LIG1: variants seen among roughly 807,000 people sequenced by gnomAD.
The protein encoded by LIG1 is DNA ligase 1.
A neutral mutation model predicts 115.7 loss-of-function variants in LIG1; 70 were observed. The observed-to-expected ratio is 0.60, with a 90% CI of 0.50 to 0.74. The LOEUF (loss-of-function observed/expected upper bound fraction) is 0.74. Among genes scored for constraint, LIG1 ranks in the 30% least tolerant of loss-of-function variants. LIG1 has a pLI of 0.00. For synonymous variants in LIG1, 487 were observed against 495.3 expected, an observed-to-expected ratio of 0.98 and a Z score of 0.22; for missense variants, 1,115 against 1,225.6, an observed-to-expected ratio of 0.91 and a Z score of 1.35.
chr19:48,121,560 G>A (rs561641740), intron 23 of LIG1, among the ~76,000 whole-genome samples: 22 of 152,332 alleles, frequency 1.4e-4, no homozygotes, highest in African/African-American at 5.1e-4. Context: ...CCAGCATTTT[G>A]GGAGGCCGAG....
chr19:48,134,495 TA>T (rs1447708967), intron 16 of LIG1, among the ~76,000 whole-genome samples: 1 of 152,074 alleles, frequency 6.6e-6, no homozygotes, highest in Non-Finnish European at 1.5e-5. Flanking sequence ...CCATCTTTAC[TA>T]AAAATATAAA....
At chr19:48,165,817 A>C in intron 1 of LIG1, 194 bp from the exon 2 acceptor site, 1 of 614,890 alleles carries the variant, frequency 1.6e-6, no homozygotes, top group Admixed American at 2.9e-5. Context: ...AAAGCTCCAA[A>C]TCAGAGAAAA....
At chr19:48,143,179 C>T (rs940313332) in intron 11 of LIG1, among the ~76,000 whole-genome samples, 1 of 152,290 alleles carries the variant, frequency 6.6e-6, no homozygotes, top group Non-Finnish European at 1.5e-5. Context: ...TGAGACCTCA[C>T]CTTCTTTTGT....
rs1568538269 is a variant in LIG1, at chr19:48,153,685, CA to C, written c.466+186del. 2.5e-4 allele frequency among the ~76,000 whole-genome samples: 33 copies of C among 132,352 alleles called. 2 individuals carry two copies. Among genetic ancestry groups the C allele is most frequent in the African/African-American group, 7.5e-4 (25 of 33,336 alleles). 86.8% of individuals were successfully genotyped at this position (132,352 alleles called of 152,430 possible). On this transcript the variant is annotated intron_variant, in intron 6 of 27. Transcript: ENST00000263274. ...ACACACACACACACACACACACACA[CA>C]CACACCTCTCCTTCTGGGGGCTCAC...
intron 15 of LIG1, 43 bp downstream of exon 15, chr19:48,135,991 G>A (rs200070043): frequency 6.7e-4 from 988 of 1,480,152 alleles, no homozygotes; most frequent in Non-Finnish European, 8.2e-4. Context: ...GAAGCCTGAG[G>A]TAACTCCAGC....
intron 1 of LIG1, among the ~76,000 whole-genome samples, chr19:48,168,245 C>G (rs1352254985): frequency 1.3e-5 from 2 of 152,198 alleles, no homozygotes. Flanking sequence ...CTATGCCTGA[C>G]AGGCTGATCA....
intron 2 of LIG1, 93 bp downstream of exon 2, chr19:48,165,457 T>C (rs1599890648): frequency 9.6e-7 from 1 of 1,044,952 alleles, no homozygotes; most frequent in Non-Finnish European, 1.5e-6. Context: ...GTAAGAGTTT[T>C]TGTTTGTTTG....
chr19:48,155,351 G>A (rs376493876), intron 5 of LIG1, among the ~76,000 whole-genome samples: 3 of 152,106 alleles, frequency 2.0e-5, no homozygotes, highest in African/African-American at 4.8e-5. Flanking sequence ...GGTCGCATCC[G>A]ATTCTCCAGA....
rs1355440951 is a variant in LIG1 at position 48,115,879 on chromosome 19, A to G, written c.2670T>C (p.Ser890=). 3.7e-6 allele frequency: 6 copies of G among 1,613,666 alleles called. No individual in the cohort carries two copies. Among genetic ancestry groups the G allele is most frequent in the Non-Finnish European group, 5.1e-6 (6 of 1,179,680 alleles). Residue 890 remains serine, a synonymous_variant, in exon 27 of 28, where the codon AGT becomes AGC. Coordinates refer to ENST00000263274, the MANE Select transcript of LIG1 (RefSeq NM_000234.3). The stretch of plus-strand genomic sequence containing the variant: ...CTGCTTCCCAGGACCTCACCTGAGC[A>G]CTGGTGGTGGCCTGCTCCGGCTGCT... ...EDKQPEQATT[S]AQVACLYRKQ... is the part of the protein sequence containing the mutation.
At chr19:48,151,387 T>C (rs2035464883) in intron 6 of LIG1, 48 bp from the exon 7 acceptor site, 2 of 1,158,154 alleles carry the variant, frequency 1.7e-6, no homozygotes, top group Non-Finnish European at 2.6e-6. Context: ...CCATTGAACC[T>C]ACAAGGGCAT....
intron 5 of LIG1, 21 bp downstream of exon 5, chr19:48,156,987 AAGGGGC>A (rs752407086): frequency 7.1e-6 from 3 of 421,304 alleles, no homozygotes; most frequent in East Asian, 1.9e-4. Context: ...CAGGCGACTG[AAGGGGC>A]AGGGGCCCGT....
At chr19:48,146,518 T>A (rs988103592) in intron 9 of LIG1, among the ~76,000 whole-genome samples, 1 of 152,102 alleles carries the variant, frequency 6.6e-6, no homozygotes, top group Non-Finnish European at 1.5e-5. Context: ...CTGTCTCTAT[T>A]AAAAATACAA....
chr19:48,120,132 C>CTAA (rs1367936526), intron 24 of LIG1: 1 of 968,200 alleles, frequency 1.0e-6, no homozygotes, highest in African/African-American at 1.8e-5. Flanking sequence ...TGTCACTGAT[C>CTAA]GTTTAGGTTA....
chr19:48,141,130 G>A (rs1342936127), intron 11 of LIG1, among the ~76,000 whole-genome samples: 1 of 152,192 alleles, frequency 6.6e-6, no homozygotes, highest in African/African-American at 2.4e-5. Flanking sequence ...TTCAGGAGCT[G>A]GCTTTGAGCA....
At chr19:48,139,525 G>A (rs1295313702) in intron 12 of LIG1, among the ~76,000 whole-genome samples, 1 of 152,042 alleles carries the variant, frequency 6.6e-6, no homozygotes, top group African/African-American at 2.4e-5. Context: ...TGGCAGGCGG[G>A]CCATCCGCAT....
intron 21 of LIG1, among the ~76,000 whole-genome samples, chr19:48,124,098 TCGGTCCCCACCCA>T (rs1206754406): frequency 6.6e-6 from 1 of 152,216 alleles, no homozygotes; most frequent in Non-Finnish European, 1.5e-5. Flanking sequence ...TTTTGTTCGA[TCGGTCCCCACCCA>T]CGCGCAGTGT....
chr19:48,135,633 ACTCTGCC>A, intron 16 of LIG1, 40 bp downstream of exon 16: 1 of 1,392,258 alleles, frequency 7.2e-7, no homozygotes, highest in Non-Finnish European at 1.0e-6. Context: ...CCACCCTGGC[ACTCTGCC>A]CACAGCCCCT....
intron 4 of LIG1, among the ~76,000 whole-genome samples, chr19:48,159,381 TTAA>T (rs2036042886): frequency 6.6e-6 from 1 of 152,100 alleles, no homozygotes; most frequent in Non-Finnish European, 1.5e-5. Flanking sequence ...GATGAATATT[TTAA>T]ACACTGCCCA....
rs139691099 is a variant in LIG1, at chr19:48,118,664, A to G, written c.2439+473T>C. Among the ~76,000 whole-genome samples the G allele has an allele frequency of 5.6e-3, 823 of 146,600 alleles. 22 individuals are homozygous for G. Among genetic ancestry groups the G allele is most frequent in the African/African-American group, 0.02 (767 of 38,050 alleles). On this transcript the variant is annotated intron_variant, in intron 25 of 27. Transcript: ENST00000263274. Reference sequence around the variant, plus strand: ...AGCAATTCTTCTGCCTCAGCCTCCCAAGTAGCTGGGACCACAGGCATGCGC... The same window carrying G: ...AGCAATTCTTCTGCCTCAGCCTCCCGAGTAGCTGGGACCACAGGCATGCGC...
Sources: gnomAD v4.1 joint callset for allele counts (sites outside exome capture counted in the v4.1 genomes callset) on GRCh38, gnomAD v4.1.1 for gene constraint, MANE v1.5 for transcripts, NCBI Gene and HGNC (gene_info 2026-07-23, HGNC 2026-07-21) for gene names.